The following H3C4 variants were observed in gnomAD, a reference collection of about 807,000 sequenced individuals.
H3C4 encodes H3 clustered histone 4.
In H3C4, 10 loss-of-function variants were observed where a neutral mutation model predicts 8.7. The observed-to-expected ratio is 1.15, with a 90% CI of 0.71 to 1.96. The LOEUF is 1.96. H3C4 is among the 30% of genes most tolerant of loss of function. The pLI is 0.00. For missense variants in H3C4, 216 were observed against 192.9 expected, an observed-to-expected ratio of 1.12 and a Z score of -0.71; for synonymous variants, 141 against 80.1, an observed-to-expected ratio of 1.76 and a Z score of -4.06.
upstream of H3C4, chr6:26,199,044 G>A (rs745492127): frequency 4.3e-6 from 7 of 1,614,186 alleles, no homozygotes; most frequent in South Asian, 4.4e-5. Context: ...GGCGTTGCCC[G>A]CCAGCTCCAG....
At chr6:26,198,374 G>A (rs1765031061), upstream of H3C4, among the ~76,000 whole-genome samples, 1 of 152,096 alleles carries the variant, frequency 6.6e-6, no homozygotes, top group African/African-American at 2.4e-5. Context: ...CTCTGTCGCC[G>A]AAACTGGAGT....
chr6:26,199,247 G>T, upstream of H3C4: 1 of 1,592,066 alleles, frequency 6.3e-7, no homozygotes, highest in Non-Finnish European at 8.5e-7. Flanking sequence ...CGGACATTTT[G>T]AATTCTTAAA....
upstream of H3C4, among the ~76,000 whole-genome samples, chr6:26,197,614 A>T (rs1765007137): frequency 1.3e-5 from 2 of 152,052 alleles, no homozygotes; most frequent in Admixed American, 6.6e-5. Flanking sequence ...TTTTAAAAAG[A>T]CGCGCGCTAG....
At chr6:26,197,732 A>C (rs768392546), upstream of H3C4, among the ~76,000 whole-genome samples, 10 of 152,156 alleles carry the variant, frequency 6.6e-5, no homozygotes, top group Non-Finnish European at 1.3e-4. Flanking sequence ...AATTTGTTCC[A>C]AATGCACCAT....
upstream of H3C4, among the ~76,000 whole-genome samples, chr6:26,198,562 G>A (rs572903355): frequency 1.6e-4 from 25 of 152,280 alleles, no homozygotes; most frequent in Admixed American, 4.6e-4. Flanking sequence ...TGGAACTCCT[G>A]ACCCTGTGAT....
Position 26,196,841 on chromosome 6 carries a change from T to G in H3C4, c.410A>C (p.Ter137SerextTer4). The G allele has an allele frequency of 6.2e-7, 1 of 1,614,224 alleles. No homozygotes were observed. Among genetic ancestry groups the G allele is most frequent in the Non-Finnish European group, 8.5e-7 (1 of 1,180,040 alleles). ...GTTAGCACACATTCACAAGACAATTTACGCCCTCTCCCCACGAATGCGGCG... is the reference window on the plus strand; with the variant it reads ...GTTAGCACACATTCACAAGACAATTGACGCCCTCTCCCCACGAATGCGGCG... Reference protein sequence around the residue: ...LARRIRGERA* With the variant: ...LARRIRGERAS Residue 137 changes from the stop codon to serine (S), a stop_lost, in exon 1 of 1, where the codon TAA becomes TCA. Transcript: ENST00000356476.
rs769140790 is a variant in H3C4, at chr6:26,196,829, C to T, written c.*11G>A. On this transcript the variant is annotated 3_prime_UTR_variant, in exon 1 of 1. Transcript: ENST00000356476. ...CTTTGGGTTTTGGTTAGCACACATT[C>T]ACAAGACAATTTACGCCCTCTCCCC... 3.2e-5 allele frequency: 52 copies of T among 1,614,032 alleles called. No homozygotes were observed. Among genetic ancestry groups the T allele is most frequent in the Non-Finnish European group, 3.6e-5 (43 of 1,180,012 alleles).
At chr6:26,199,163 AG>A (rs767259042), upstream of H3C4, 1 of 1,614,114 alleles carries the variant, frequency 6.2e-7, no homozygotes, top group Non-Finnish European at 8.5e-7. Flanking sequence ...CGCGGCCCAC[AG>A]GGAACTGGAG....
At position 26,197,279 on chromosome 6, in the gene H3C4, G is replaced by C; in HGVS notation, c.-29C>G. 1 of 1,586,606 alleles carries C rather than the reference G, an allele frequency of 6.3e-7. No individual in the cohort carries two copies. The highest frequency in any genetic ancestry group is 8.5e-7 in the Non-Finnish European group (1 of 1,171,688). The stretch of plus-strand genomic sequence containing the variant: ...GAACTTCTAAACCCTGCTAAATGAC[G>C]AAAAAACGAAAGTCTAGCCTTTCGT... On this transcript the variant is annotated 5_prime_UTR_variant, in exon 1 of 1. Coordinates refer to ENST00000356476, the MANE Select transcript of H3C4 (RefSeq NM_001376937.1).
At chr6:26,199,021 T>TG (rs761124787), upstream of H3C4, 10 of 1,613,980 alleles carry the variant, frequency 6.2e-6, no homozygotes. Context: ...CGGGTCTTCT[T>TG]GTTGTCGCGG....
At chr6:26,198,786 G>T (rs34550794), upstream of H3C4, 4 of 1,484,290 alleles carry the variant, frequency 2.7e-6, no homozygotes, top group African/African-American at 1.4e-5. Context: ...GGAATACATG[G>T]GTGGCTCTGA....
chr6:26,199,215 T>C (rs1765068034), upstream of H3C4: 1 of 1,606,874 alleles, frequency 6.2e-7, no homozygotes. Flanking sequence ...AGCTCGGGCC[T>C]TTCCGCCTTG....
At chr6:26,198,814 A>G (rs780806744), upstream of H3C4, 2 of 1,598,738 alleles carry the variant, frequency 1.3e-6, no homozygotes, top group East Asian at 4.5e-5. Context: ...CTTTGTTAAG[A>G]CTGCTTCCTT....
upstream of H3C4, among the ~76,000 whole-genome samples, chr6:26,198,688 A>G (rs806792): frequency 0.1 from 15,846 of 152,236 alleles, 2,234 homozygotes; most frequent in African/African-American, 0.32. Context: ...TTCACGATTC[A>G]GTGTTAAGAA....
At position 26,196,998 on chromosome 6, in the gene H3C4, A is replaced by G; in HGVS notation, c.253T>C (p.Phe85Leu). 6.2e-7 allele frequency: 1 copy of G among 1,614,230 alleles called. No homozygotes were observed. Among genetic ancestry groups the G allele is most frequent in the East Asian group, 2.2e-5 (1 of 44,882 alleles). ...IAQDFKTDLR[F>L]QSSAVMALQE... The stretch of plus-strand genomic sequence containing the variant: ...AGCGCCATCACCGCCGAGCTCTGAA[A>G]ACGCAGATCAGTCTTGAAGTCCTGC... The change falls in exon 1 of 1, where the codon TTT becomes CTT. Residue 85 changes from phenylalanine to leucine, a missense_variant. By Grantham distance (22) the Phe-to-Leu change is conservative. Coordinates refer to ENST00000356476, the MANE Select transcript of H3C4 (RefSeq NM_001376937.1).
upstream of H3C4, chr6:26,199,122 G>C (rs769958944): frequency 2.5e-6 from 4 of 1,614,228 alleles, no homozygotes; most frequent in African/African-American, 1.3e-5. Flanking sequence ...GACTCGCTCG[G>C]AGTAGTTGCC....
In H3C4 at chr6:26,197,060, C is replaced by T. The variant is rs1764986859; in HGVS notation, c.191G>A (p.Arg64His). ...RYQKSTELLI[R>H]KLPFQRLVRE... ...GACTAGACGCTGGAATGGCAGTTTGCGAATCAGCAGCTCGGTCGACTTCTG... is the reference window on the plus strand; with the variant it reads ...GACTAGACGCTGGAATGGCAGTTTGTGAATCAGCAGCTCGGTCGACTTCTG... The change falls in exon 1 of 1, where the codon CGC (arginine) becomes CAC (histidine). Residue 64 changes from arginine to histidine, a missense_variant. By Grantham distance (29) the Arg-to-His change is conservative. Coordinates refer to ENST00000356476, the MANE Select transcript of H3C4 (RefSeq NM_001376937.1). 2 of 1,614,206 alleles carry T rather than the reference C, an allele frequency of 1.2e-6. No individual in the cohort carries two copies. The highest frequency in any genetic ancestry group is 1.3e-5 in the African/African-American group (1 of 75,052).
chr6:26,198,912 T>C (rs770198458), upstream of H3C4: 3 of 1,614,136 alleles, frequency 1.9e-6, no homozygotes, highest in Non-Finnish European at 2.5e-6. Flanking sequence ...AGCCTGGATG[T>C]TGGGCAGAAC....
rs200288167 is a variant in H3C4 at position 26,197,254 on chromosome 6, G to T, written c.-4C>A. ...CAGTCTGCTTGGTACGAGCCATTGC[G>T]AACTTCTAAACCCTGCTAAATGACG... is the stretch of plus-strand genomic sequence containing the variant. On this transcript the variant is annotated 5_prime_UTR_variant, in exon 1 of 1. Transcript: ENST00000356476. 9.9e-6 allele frequency: 16 copies of T among 1,608,780 alleles called. No individual in the cohort carries two copies. The highest frequency in any genetic ancestry group is 6.9e-5 in the Admixed American group (4 of 57,808).
Sources: allele counts gnomAD v4.1 joint callset (sites outside exome capture counted in the v4.1 genomes callset), GRCh38; gene constraint gnomAD v4.1.1; transcripts MANE v1.5; gene names NCBI Gene and HGNC (gene_info 2026-07-23, HGNC 2026-07-21).